The following PRKCH variants were observed in gnomAD, a reference collection of about 807,000 sequenced individuals.
PRKCH encodes the protein protein kinase C eta type.
PRKCH carries 28 observed loss-of-function variants against 82.5 expected under a neutral mutation model. That is an observed-to-expected ratio of 0.34 (90% CI 0.25 to 0.47). The LOEUF (loss-of-function observed/expected upper bound fraction) is 0.47. PRKCH is among the 20% of genes least tolerant of loss of function. The pLI, the probability that PRKCH is intolerant of heterozygous loss-of-function variation, is 1.00. For synonymous variants in PRKCH, 322 were observed against 327.4 expected (o/e 0.98, Z 0.18); for missense variants, 705 against 881.8 (o/e 0.80, Z 2.54).
At chr14:61,279,166 T>C (rs959889372) in intron 1 of PRKCH, 2 of 152,276 alleles carry the variant, frequency 1.3e-5, no homozygotes, top group Non-Finnish European at 2.9e-5. Context: ...ACACAGTACC[T>C]GGCAAAGTTT....
chr14:61,244,284 T>C (rs939331928), intron 1 of PRKCH, among the ~76,000 whole-genome samples: 1 of 152,148 alleles, frequency 6.6e-6, no homozygotes, highest in Non-Finnish European at 1.5e-5. Flanking sequence ...GGAGGGTTTT[T>C]TTCAGCTGAG....
chr14:61,428,388 A>G (rs187519014), intron 2 of PRKCH, among the ~76,000 whole-genome samples: 8 of 152,278 alleles, frequency 5.3e-5, no homozygotes, highest in South Asian at 2.1e-4. Flanking sequence ...GGGAGAGGAT[A>G]TAATGAGGCA....
intron 2 of PRKCH, among the ~76,000 whole-genome samples, chr14:61,423,897 A>C (rs1594690045): frequency 6.6e-6 from 1 of 152,198 alleles, no homozygotes; most frequent in African/African-American, 2.4e-5. Context: ...CTCATCTTGA[A>C]TCATAATCCC....
Position 61,459,299 on chromosome 14 carries a change from C to T in PRKCH, c.1278+1620C>T, listed in dbSNP as rs117584774. On this transcript the variant is annotated intron_variant, in intron 9 of 13. Coordinates refer to ENST00000332981, the MANE Select transcript of PRKCH (RefSeq NM_006255.5). ...ACTGGTCAGGGAGGCTGGCAATACA[C>T]CTCTAGGGAAGGTAAAGCCATGCTG... Among the ~76,000 whole-genome samples the T allele has an allele frequency of 9.1e-3, 1,385 of 152,292 alleles. 13 individuals are homozygous for T. The highest frequency in any genetic ancestry group is 0.027 in the Middle Eastern group (8 of 292).
intron 2 of PRKCH, among the ~76,000 whole-genome samples, chr14:61,432,946 C>T (rs1370762460): frequency 1.4e-5 from 2 of 141,674 alleles, no homozygotes; most frequent in Admixed American, 1.5e-4. Flanking sequence ...ATGTGCAGAG[C>T]GTACAGGTTT....
intron 1 of PRKCH, among the ~76,000 whole-genome samples, chr14:61,302,779 CATTTTAT>C (rs1218800526): frequency 6.6e-6 from 1 of 152,114 alleles, no homozygotes; most frequent in Non-Finnish European, 1.5e-5. Context: ...TATTAAGCCA[CATTTTAT>C]ATTTCAGCAC....
At chr14:61,290,967 G>T (rs1440401207) in intron 1 of PRKCH, among the ~76,000 whole-genome samples, 1 of 152,178 alleles carries the variant, frequency 6.6e-6, no homozygotes, top group Non-Finnish European at 1.5e-5. Context: ...ACATATGGTA[G>T]ACAGAAGGCC....
At chr14:61,358,580 T>C (rs1594943547) in intron 1 of PRKCH, among the ~76,000 whole-genome samples, 1 of 152,230 alleles carries the variant, frequency 6.6e-6, no homozygotes, top group East Asian at 1.9e-4. Flanking sequence ...TATGTTCCTG[T>C]GATCCTCCCT....
At chr14:61,200,249 T>C (rs1325172723) in intron 1 of PRKCH, among the ~76,000 whole-genome samples, 1 of 152,084 alleles carries the variant, frequency 6.6e-6, no homozygotes, top group Non-Finnish European at 1.5e-5. Context: ...AAGATTACCA[T>C]AAGAGCTTAA....
chr14:61,306,771 G>C (rs1176410903), intron 1 of PRKCH: 1 of 152,070 alleles, frequency 6.6e-6, no homozygotes, highest in Non-Finnish European at 1.5e-5. Context: ...TTTCATTACT[G>C]TATTAGGCCA....
intron 1 of PRKCH, among the ~76,000 whole-genome samples, chr14:61,380,400 G>A (rs983424164): frequency 6.7e-6 from 1 of 149,394 alleles, no homozygotes; most frequent in African/African-American, 2.4e-5. Flanking sequence ...CCCCTTCTTA[G>A]TTCTGGAGAG....
intron 12 of PRKCH, among the ~76,000 whole-genome samples, chr14:61,531,222 T>C (rs549782557): frequency 1.3e-5 from 2 of 152,352 alleles, no homozygotes; most frequent in South Asian, 4.1e-4. Context: ...AAACATGTAC[T>C]GGACGCCTTT....
chr14:61,210,868 T>G (rs546871180), intron 1 of PRKCH, among the ~76,000 whole-genome samples: 5 of 151,984 alleles, frequency 3.3e-5, no homozygotes, highest in Admixed American at 2.0e-4. Context: ...GCAGAAGCAC[T>G]ATGAATGATA....
chr14:61,385,878 AGGTGT>A (rs2046580234), intron 1 of PRKCH, among the ~76,000 whole-genome samples: 1 of 152,160 alleles, frequency 6.6e-6, no homozygotes, highest in Admixed American at 6.5e-5. Context: ...TCTTCATAAC[AGGTGT>A]GGAGTTGCCC....
rs554518117 is a variant in PRKCH, at chr14:61,431,269, G to A, written c.428-11842G>A. ...AGTGCTGGCAGGCCACTGCACATGC[G>A]GACAGCCCACCCCAAGGAAAAACCA... On this transcript the variant is annotated intron_variant, in intron 2 of 13. Coordinates refer to ENST00000332981, the MANE Select transcript of PRKCH (RefSeq NM_006255.5). 9.8e-5 allele frequency among the ~76,000 whole-genome samples: 15 copies of A among 152,288 alleles called. No individual in the cohort carries two copies. The South Asian group carries it at 2.9e-3, about 29-fold the overall frequency.
chr14:61,254,360 C>G (rs2044978057), intron 1 of PRKCH, among the ~76,000 whole-genome samples: 1 of 152,150 alleles, frequency 6.6e-6, no homozygotes, highest in Non-Finnish European at 1.5e-5. Flanking sequence ...TGCTTGTAAT[C>G]TCAGCACTTT....
intron 1 of PRKCH, among the ~76,000 whole-genome samples, chr14:61,285,593 G>C (rs190244792): frequency 6.6e-6 from 1 of 152,292 alleles, no homozygotes; most frequent in East Asian, 1.9e-4. Context: ...AGTACCTTCT[G>C]TGAATCAGTA....
At chr14:61,531,010 G>A (rs563928808) in intron 12 of PRKCH, among the ~76,000 whole-genome samples, 26 of 152,266 alleles carry the variant, frequency 1.7e-4, no homozygotes, top group South Asian at 1.0e-3. Context: ...AGGATGAAGC[G>A]GTCGGGTCTT....
intron 1 of PRKCH, among the ~76,000 whole-genome samples, chr14:61,213,280 T>A (rs1323990878): frequency 2.6e-5 from 4 of 152,084 alleles, no homozygotes; most frequent in Non-Finnish European, 4.4e-5. Context: ...CAAGGAAGAG[T>A]CTTGGTTTTT....
Sources: allele counts gnomAD v4.1 joint callset (sites outside exome capture counted in the v4.1 genomes callset), GRCh38; gene constraint gnomAD v4.1.1; transcripts MANE v1.5; gene names NCBI Gene and HGNC (gene_info 2026-07-23, HGNC 2026-07-21).